The following CELF2 variants were observed in gnomAD, a reference collection of about 807,000 sequenced individuals.
CELF2 encodes the protein CUG triplet repeat RNA-binding protein 2.
In CELF2, 8 loss-of-function variants were observed where a neutral mutation model predicts 62.6. That is an observed-to-expected ratio of 0.13 (90% confidence interval 0.07 to 0.23). The LOEUF (loss-of-function observed/expected upper bound fraction) is 0.23, where lower values mean the gene tolerates loss of function less well. Ranked by LOEUF, CELF2 falls within the 10% of genes least tolerant of loss-of-function variation. CELF2 has a pLI of 1.00. For synonymous variants in CELF2, 258 were observed against 250.0 expected, an observed-to-expected ratio of 1.03 and a Z score of -0.30; for missense variants, 333 against 671.0, an observed-to-expected ratio of 0.50 and a Z score of 5.56.
intron 1 of CELF2, among the ~76,000 whole-genome samples, chr10:10,813,043 A>G (rs1371679010): frequency 2.0e-5 from 3 of 152,332 alleles, no homozygotes; most frequent in South Asian, 2.1e-4. Context: ...GAGTGATACC[A>G]TGAATCCATC....
the CELF2 span, among the ~76,000 whole-genome samples, chr10:10,548,109 G>A: frequency 2.1e-3 from 319 of 152,302 alleles, 2 homozygotes; most frequent in African/African-American, 7.2e-3. Flanking sequence ...ATTGGTTTCA[G>A]TCCTGGCTCT....
rs1260402447 is a variant in CELF2 at position 10,947,324 on chromosome 10, T to C, written c.89+27325T>C. 1 of 152,670 alleles carries C rather than the reference T, an allele frequency of 6.6e-6. No individual in the cohort carries two copies. The highest frequency in any genetic ancestry group is 1.5e-5 in the Non-Finnish European group (1 of 68,052). 9.5% of individuals were successfully genotyped at this position (152,670 alleles called of 1,614,324 possible). A position where few individuals can be genotyped will look rare whatever the true frequency, so the allele number is the denominator to read the frequency against. ...TTTTTTCCTGGAGATTTAGAGCTGA[T>C]TGGGCACAGATGGGAGGCAGGGTTA... On this transcript the variant is annotated intron_variant, in intron 2 of 13. Transcript: ENST00000636488. The surrounding 1 kb of genome is among the most constrained non-coding windows in gnomAD (Gnocchi z 4.1).
At chr10:10,466,991 C>A in the CELF2 span, among the ~76,000 whole-genome samples, 3 of 151,882 alleles carry the variant, frequency 2.0e-5, no homozygotes, top group Admixed American at 6.6e-5. Flanking sequence ...TGTGACTTTC[C>A]TATTATTTTT....
the CELF2 span, among the ~76,000 whole-genome samples, chr10:10,469,138 A>G: frequency 1.2e-3 from 178 of 152,092 alleles, no homozygotes; most frequent in African/African-American, 4.1e-3. Flanking sequence ...TGGCTATAAT[A>G]TACAAATATT....
At chr10:11,096,867 T>A (rs1180501383) in intron 1 of CELF2, among the ~76,000 whole-genome samples, 2 of 152,232 alleles carry the variant, frequency 1.3e-5, no homozygotes, top group Admixed American at 1.3e-4. Context: ...TGGAAACTAA[T>A]GAGAATTCTA....
At chr10:10,829,710 G>A (rs181730611) in intron 1 of CELF2, among the ~76,000 whole-genome samples, 4 of 152,230 alleles carry the variant, frequency 2.6e-5, no homozygotes, top group Admixed American at 1.3e-4. Flanking sequence ...TCTGCCTCTA[G>A]GACTCAAGCC....
chr10:11,124,225 T>C (rs1029283126), intron 1 of CELF2, among the ~76,000 whole-genome samples: 13 of 152,150 alleles, frequency 8.5e-5, no homozygotes, highest in Admixed American at 2.6e-4. Flanking sequence ...CCAAATCATA[T>C]CACTCTCCCT....
At chr10:11,147,583 A>G (rs2062511871) in intron 1 of CELF2, among the ~76,000 whole-genome samples, 1 of 152,194 alleles carries the variant, frequency 6.6e-6, no homozygotes. Flanking sequence ...TTATGCATAT[A>G]AACCAGGATG....
chr10:10,921,408 A>T (rs1445994911), intron 2 of CELF2, among the ~76,000 whole-genome samples: 1 of 152,028 alleles, frequency 6.6e-6, no homozygotes, highest in Non-Finnish European at 1.5e-5. Flanking sequence ...AGCTGGGATT[A>T]CAGGCGTGCA....
chr10:11,069,566 CAT>C (rs1405255564), intron 1 of CELF2, among the ~76,000 whole-genome samples: 1 of 152,166 alleles, frequency 6.6e-6, no homozygotes, highest in Non-Finnish European at 1.5e-5. Context: ...GCTAGAAGGA[CAT>C]GTGACAAATT....
the CELF2 span, among the ~76,000 whole-genome samples, chr10:10,612,582 G>A: frequency 1.3e-5 from 2 of 152,206 alleles, no homozygotes; most frequent in African/African-American, 4.8e-5. Context: ...AGATGCTACA[G>A]GGAGGTAGAA....
chr10:10,948,379 A>T (rs1470105611), intron 2 of CELF2: 2 of 152,068 alleles, frequency 1.3e-5, no homozygotes, highest in Non-Finnish European at 2.9e-5. Context: ...ATGTCCTCTG[A>T]GCTAGGCCCA....
intron 9 of CELF2, among the ~76,000 whole-genome samples, chr10:11,307,481 T>C (rs1591202867): frequency 6.6e-6 from 1 of 152,214 alleles, no homozygotes; most frequent in African/African-American, 2.4e-5. Flanking sequence ...ATAAAATAGA[T>C]CCTATATCAT....
the CELF2 span, among the ~76,000 whole-genome samples, chr10:10,581,982 C>T: frequency 1.3e-5 from 2 of 152,146 alleles, no homozygotes; most frequent in African/African-American, 2.4e-5. Flanking sequence ...GAGCTGAGAT[C>T]GTGCCACTGC....
intron 1 of CELF2, among the ~76,000 whole-genome samples, chr10:11,135,570 T>C (rs1736177857): frequency 6.6e-6 from 1 of 152,250 alleles, no homozygotes; most frequent in Admixed American, 6.5e-5. Context: ...TGCCTTTCTG[T>C]GAAATACTGT....
At chr10:11,053,953 GT>G (rs1359157209) in intron 1 of CELF2, among the ~76,000 whole-genome samples, 68 of 151,910 alleles carry the variant, frequency 4.5e-4, no homozygotes, top group Non-Finnish European at 5.0e-4. Context: ...TCTGTTTATC[GT>G]TTTTATTAAT....
At chr10:10,737,584 C>T in the CELF2 span, among the ~76,000 whole-genome samples, 21 of 152,204 alleles carry the variant, frequency 1.4e-4, no homozygotes, top group East Asian at 4.1e-3. Context: ...AAGCCTCCAG[C>T]AAGGGGGGAA....
chr10:10,894,675 C>A (rs1204788933), intron 1 of CELF2, among the ~76,000 whole-genome samples: 1 of 109,200 alleles, frequency 9.2e-6, no homozygotes, highest in Non-Finnish European at 1.8e-5. Context: ...AAATGTGCCA[C>A]CTGAAAGAAA....
At chr10:10,927,355 A>AAAACAAAAC (rs1554884964) in intron 2 of CELF2, 1 of 150,408 alleles carries the variant, frequency 6.6e-6, no homozygotes, top group Admixed American at 6.6e-5. Flanking sequence ...TTAAAAAAAA[A>AAAACAAAAC]AAAAAAAAAA....
Sources: gnomAD v4.1 joint callset for allele counts (sites outside exome capture counted in the v4.1 genomes callset) on GRCh38, gnomAD v4.1.1 for gene constraint, Gnocchi (gnomAD v3.1) non-coding constraint, MANE v1.5 for transcripts, NCBI Gene and HGNC (gene_info 2026-07-23, HGNC 2026-07-21) for gene names.